The following UBAP2 variants were observed in gnomAD, a reference collection of about 807,000 sequenced individuals.
UBAP2 encodes ubiquitin-associated protein 2.
In UBAP2, 75 loss-of-function variants were observed where a neutral mutation model predicts 139.6. That is an observed-to-expected ratio of 0.54 (90% CI 0.45 to 0.65). The LOEUF (loss-of-function observed/expected upper bound fraction) is 0.65, where lower values mean the gene tolerates loss of function less well. UBAP2 is among the 30% of genes least tolerant of loss of function. UBAP2 has a pLI of 0.00. For synonymous variants in UBAP2, 526 were observed against 526.2 expected, an observed-to-expected ratio of 1.00 and a Z score of 0.01; for missense variants, 1,368 against 1,369.6, an observed-to-expected ratio of 1.00 and a Z score of 0.02.
chr9:33,923,909 G>C lies in UBAP2; in HGVS notation c.2682C>G (p.His894Gln). The C allele has an allele frequency of 6.2e-7, 1 of 1,614,242 alleles. No homozygotes were observed. Among genetic ancestry groups the C allele is most frequent in the Non-Finnish European group, 8.5e-7 (1 of 1,180,036 alleles). Residue 894 changes from histidine (H) to glutamine (Q), a missense_variant, in exon 24 of 29, where the codon CAC (histidine) becomes CAG (glutamine). By Grantham distance (24) the His-to-Gln change is conservative (BLOSUM62 0). Transcript: ENST00000379238. Reference protein sequence around the residue: ...AQPQQSQSQTHHTAQQPFVNP... With the variant: ...AQPQQSQSQTQHTAQQPFVNP... ...TCACGAAGGGCTGCTGGGCTGTGTGGTGGGTCTGTGATTGGCTCTGCTGTG... is the reference window on the plus strand; with the variant it reads ...TCACGAAGGGCTGCTGGGCTGTGTGCTGGGTCTGTGATTGGCTCTGCTGTG...
chr9:33,938,860 G>A (rs1824831816), intron 16 of UBAP2: 3 of 441,404 alleles, frequency 6.8e-6, no homozygotes, highest in Non-Finnish European at 1.3e-5. Flanking sequence ...TCTTGTTTCA[G>A]TGCCCATCTG....
At chr9:34,012,260 G>C (rs757137932) in intron 2 of UBAP2, among the ~76,000 whole-genome samples, 6 of 152,334 alleles carry the variant, frequency 3.9e-5, no homozygotes, top group Admixed American at 6.5e-5. Context: ...GCTGGGCCCA[G>C]TGGCTCATGC....
intron 6 of UBAP2, among the ~76,000 whole-genome samples, chr9:33,973,910 T>C (rs1424011416): frequency 6.6e-6 from 1 of 151,998 alleles, no homozygotes; most frequent in Non-Finnish European, 1.5e-5. Context: ...TTTATGAAAA[T>C]TAAAAACTTT....
At chr9:33,924,038 C>T in intron 23 of UBAP2, 38 bp from the exon 24 acceptor site, 1 of 1,610,324 alleles carries the variant, frequency 6.2e-7, no homozygotes, top group Non-Finnish European at 8.5e-7. Context: ...TGCCCTTCCT[C>T]CAACCAGAGA....
chr9:34,019,117 A>G (rs1301255081), intron 1 of UBAP2, among the ~76,000 whole-genome samples: 1 of 152,048 alleles, frequency 6.6e-6, no homozygotes, highest in Non-Finnish European at 1.5e-5. Context: ...AGGACAAATA[A>G]GGCTAGGGTG....
intron 1 of UBAP2, among the ~76,000 whole-genome samples, chr9:34,043,043 G>C (rs1366798635): frequency 1.3e-5 from 2 of 151,990 alleles, no homozygotes; most frequent in African/African-American, 2.4e-5. Flanking sequence ...ACTCCATCCT[G>C]GGCGACAAAG....
intron 13 of UBAP2, among the ~76,000 whole-genome samples, chr9:33,946,419 C>T (rs540041037): frequency 6.6e-6 from 1 of 152,264 alleles, no homozygotes; most frequent in South Asian, 2.1e-4. Flanking sequence ...AACTATCTGA[C>T]CCACTGGCAT....
intron 1 of UBAP2, among the ~76,000 whole-genome samples, chr9:34,027,805 T>C (rs948706286): frequency 8.1e-5 from 12 of 148,836 alleles, no homozygotes; most frequent in Non-Finnish European, 1.6e-4. Context: ...GAGCTTGCAG[T>C]GAGCCGAGAT....
At chr9:33,927,117 CA>C in intron 20 of UBAP2, 37 bp from the exon 21 acceptor site, 2 of 1,527,924 alleles carry the variant, frequency 1.3e-6, no homozygotes, top group Non-Finnish European at 1.8e-6. Context: ...GTGAAATGGT[CA>C]CCACAAAGAG....
At chr9:33,965,557 G>T (rs1349461564) in intron 8 of UBAP2, among the ~76,000 whole-genome samples, 1 of 152,060 alleles carries the variant, frequency 6.6e-6, no homozygotes, top group Non-Finnish European at 1.5e-5. Flanking sequence ...TATCTTCTTT[G>T]TAAGTTGTAC....
intron 1 of UBAP2, among the ~76,000 whole-genome samples, chr9:34,023,461 T>C (rs1825136064): frequency 6.6e-6 from 1 of 152,184 alleles, no homozygotes; most frequent in Non-Finnish European, 1.5e-5. Context: ...AAGAAAACCA[T>C]AACTCTTTGT....
intron 14 of UBAP2, among the ~76,000 whole-genome samples, chr9:33,944,072 A>T (rs1177726127): frequency 6.6e-6 from 1 of 152,190 alleles, no homozygotes; most frequent in Non-Finnish European, 1.5e-5. Context: ...CACCTGGTCA[A>T]GGAACCATGC....
chr9:33,983,113 C>T (rs1820912834), intron 6 of UBAP2, among the ~76,000 whole-genome samples: 1 of 152,026 alleles, frequency 6.6e-6, no homozygotes, highest in Non-Finnish European at 1.5e-5. Context: ...CTCCTGACCT[C>T]GTGATCTGCT....
rs1314966856 is a variant in UBAP2 at position 33,922,568 on chromosome 9, G to A, written c.3296C>T (p.Ser1099Phe). The A allele has an allele frequency of 1.2e-6, 2 of 1,613,792 alleles. No homozygotes were observed. The highest frequency in any genetic ancestry group is 1.7e-6 in the Non-Finnish European group (2 of 1,179,944). ...GGAGGCTTGAGACTTGGGCTGCAGG[G>A]AGCTGGGCTGGCTGCGCTGACCCGA... ...SGSGQRSQPS[S>F]LQPKSQASKP... Residue 1099 changes from serine (S) to phenylalanine (F), a missense_variant, in exon 29 of 29, where the codon TCC becomes TTC. By Grantham distance (155) the Ser-to-Phe change is radical. Coordinates refer to ENST00000379238, the MANE Select transcript of UBAP2 (RefSeq NM_001370062.2).
At chr9:34,007,452 G>A (rs958141138) in intron 2 of UBAP2, among the ~76,000 whole-genome samples, 44 of 149,758 alleles carry the variant, frequency 2.9e-4, no homozygotes, top group Non-Finnish European at 5.6e-4. Flanking sequence ...AGCCATGTTC[G>A]CATCATTATA....
At chr9:33,935,420 C>T (rs1824409994) in intron 17 of UBAP2, 1 of 167,494 alleles carries the variant, frequency 6.0e-6, no homozygotes, top group Non-Finnish European at 1.3e-5. Context: ...CGCGCCGCCA[C>T]CACACCCGGC....
At chr9:34,020,239 C>T (rs759965147) in intron 1 of UBAP2, among the ~76,000 whole-genome samples, 2 of 151,814 alleles carry the variant, frequency 1.3e-5, no homozygotes, top group Non-Finnish European at 2.9e-5. Flanking sequence ...TACCGTCTTC[C>T]ATCTCCACAT....
intron 2 of UBAP2, among the ~76,000 whole-genome samples, chr9:34,009,874 C>T (rs1240750556): frequency 6.9e-6 from 1 of 143,944 alleles, no homozygotes; most frequent in Non-Finnish European, 1.5e-5. Context: ...ATGGTGGGAT[C>T]TCTGCTCATC....
intron 1 of UBAP2, among the ~76,000 whole-genome samples, chr9:34,043,284 A>C (rs531159470): frequency 6.6e-6 from 1 of 151,996 alleles, no homozygotes; most frequent in South Asian, 2.1e-4. Context: ...CAATCCTCCA[A>C]CCTCAGCCTC....
Sources: allele counts gnomAD v4.1 joint callset (sites outside exome capture counted in the v4.1 genomes callset), GRCh38; gene constraint gnomAD v4.1.1; transcripts MANE v1.5; gene names NCBI Gene and HGNC (gene_info 2026-07-23, HGNC 2026-07-21).